The following SNED1 variants were observed in gnomAD, a reference collection of about 807,000 sequenced individuals.
SNED1 encodes sushi, nidogen and EGF-like domain-containing protein 1.
SNED1 carries 81 observed loss-of-function variants against 166.7 expected under a neutral mutation model. The observed-to-expected ratio is 0.49, with a 90% CI of 0.41 to 0.58. The LOEUF (loss-of-function observed/expected upper bound fraction) is 0.58. Ranked by LOEUF, SNED1 falls within the 20% of genes least tolerant of loss-of-function variation. The probability of loss-of-function intolerance (pLI) is 0.00; values close to 1 mark genes in which losing one functional copy is unlikely to be tolerated. For missense variants in SNED1, 1,604 were observed against 2,000.2 expected (o/e 0.80, Z 3.78); for synonymous variants, 762 against 822.0 (o/e 0.93, Z 1.25).
Position 241,067,787 on chromosome 2 carries a change from G to A in SNED1, c.3034G>A (p.Glu1012Lys), listed in dbSNP as rs376137908. ...RTRPRPVEGF[E>K]VTNVTASTIS... ...AGGACCCCGCCCTGTGGAAGGCTTC[G>A]AGGTCACCAATGTGACGGCTAGCAC... is the stretch of plus-strand genomic sequence containing the variant. The change falls in exon 22 of 32, where the codon GAG becomes AAG. Residue 1012 changes from glutamate to lysine, a missense_variant. Around this residue, in one of 2 missense-constraint regions of SNED1, gnomAD observed 1,237 missense variants for 1,620.8 expected, o/e 0.76. Coordinates refer to ENST00000310397, the MANE Select transcript of SNED1 (RefSeq NM_001080437.3). The A allele has an allele frequency of 5.6e-6, 9 of 1,610,798 alleles. No individual in the cohort carries two copies. The highest frequency in any genetic ancestry group is 2.2e-5 in the East Asian group (1 of 44,736).
Position 241,018,058 on chromosome 2 carries a change from G to A in SNED1, c.214-12226G>A, listed in dbSNP as rs2060652908. ...TGGTGGGTACCTTGATCCCTTTCCC[G>A]ACTGGAGAGGCATTCCAAGGCTCAC... On this transcript the variant is annotated intron_variant, in intron 1 of 31. Transcript: ENST00000310397. The surrounding 1 kb of genome is among the most constrained non-coding windows in gnomAD (Gnocchi z 5.4). 1.3e-5 allele frequency among the ~76,000 whole-genome samples: 2 copies of A among 152,112 alleles called. No individual in the cohort carries two copies. Among genetic ancestry groups the A allele is most frequent in the Non-Finnish European group, 1.5e-5 (1 of 68,026 alleles).
At chr2:241,031,100 TCCCTA>T (rs1187046759) in intron 2 of SNED1, among the ~76,000 whole-genome samples, 1 of 152,132 alleles carries the variant, frequency 6.6e-6, no homozygotes, top group Non-Finnish European at 1.5e-5. Flanking sequence ...AGACAGTGAC[TCCCTA>T]GAAAAGAGGC....
At chr2:241,055,164 G>A (rs1575005384) in intron 16 of SNED1, among the ~76,000 whole-genome samples, 1 of 152,022 alleles carries the variant, frequency 6.6e-6, no homozygotes, top group East Asian at 1.9e-4. Flanking sequence ...TAGAAGGTGT[G>A]CTAAAGCTGA....
chr2:241,057,439 A>ATCCCAGCAATT (rs201222519), intron 16 of SNED1, among the ~76,000 whole-genome samples: 1 of 142,760 alleles, frequency 7.0e-6, no homozygotes, highest in Admixed American at 7.1e-5. Context: ...CACACATATA[A>ATCCCAGCAATT]TGGGAGGTCA....
chr2:241,094,698 C>G lies in SNED1; in HGVS notation c.*3062C>G, dbSNP rs971055107. ...CTGACATTCTGGGCCGGATCATCCT[C>G]TCTTGTGGGACCATCCTGTGCACTG... On this transcript the variant is annotated 3_prime_UTR_variant, in exon 32 of 32. Transcript: ENST00000310397. This position sits in a 1 kb window ranked among gnomAD's most constrained non-coding sequence, Gnocchi z 4.3. 3.6e-5 allele frequency: 11 copies of G among 304,676 alleles called. No homozygotes were observed. The highest frequency in any genetic ancestry group is 6.4e-5 in the Non-Finnish European group (10 of 155,900). The allele number at this position is 304,676 out of a possible 1,614,324, so 18.9% of individuals were successfully genotyped here. A position where few individuals can be genotyped will look rare whatever the true frequency, so the allele number is the denominator to read the frequency against.
intron 1 of SNED1, among the ~76,000 whole-genome samples, chr2:241,002,602 A>C (rs1559206446): frequency 6.6e-6 from 1 of 152,034 alleles, no homozygotes; most frequent in Non-Finnish European, 1.5e-5. Context: ...AGAGAGCCTG[A>C]TGACTCCAGG....
intron 6 of SNED1, among the ~76,000 whole-genome samples, chr2:241,039,429 G>A (rs552233449): frequency 2.0e-5 from 3 of 152,290 alleles, no homozygotes; most frequent in African/African-American, 7.2e-5. Context: ...GTAAGACAGG[G>A]GATGTGGTTC....
chr2:241,059,524 C>A (rs1461810849), intron 16 of SNED1, among the ~76,000 whole-genome samples: 1 of 152,138 alleles, frequency 6.6e-6, no homozygotes, highest in East Asian at 1.9e-4. Context: ...AACATAGACA[C>A]AACAATCCAA....
intron 21 of SNED1, among the ~76,000 whole-genome samples, chr2:241,066,160 C>A (rs1575037853): frequency 6.6e-6 from 1 of 152,166 alleles, no homozygotes; most frequent in South Asian, 2.1e-4. Context: ...CCAGATGTGA[C>A]CCCTGAAGAG....
chr2:241,065,653 T>G, intron 21 of SNED1, 58 bp downstream of exon 21: 3 of 1,472,838 alleles, frequency 2.0e-6, no homozygotes, highest in Non-Finnish European at 2.8e-6. Flanking sequence ...AGGGCAGCGC[T>G]GGCCCCGGCA....
rs889918971 is a variant in SNED1, at chr2:241,076,958, G to A, written c.3916+3594G>A. Among the ~76,000 whole-genome samples, 120 of 152,078 alleles carry A rather than the reference G, an allele frequency of 7.9e-4. 1 individual carries two copies. The highest frequency in any genetic ancestry group is 2.2e-3 in the Admixed American group (33 of 15,244). The stretch of plus-strand genomic sequence containing the variant: ...GCTGGGCATGGTGGCGGGCGCCTGT[G>A]GTCCCAGCTACTCCGGAGGCTGAGG... On this transcript the variant is annotated intron_variant, in intron 27 of 31. Transcript: ENST00000310397.
At chr2:241,067,673 C>A in intron 21 of SNED1, 91 bp from the exon 22 acceptor site, 2 of 1,102,380 alleles carry the variant, frequency 1.8e-6, no homozygotes, top group Non-Finnish European at 2.6e-6. Flanking sequence ...TGGCCCCCAG[C>A]ACCCTCCCAA....
At chr2:241,034,437 C>T (rs562940615) in intron 3 of SNED1, 131 bp from the exon 4 acceptor site, 102 of 824,956 alleles carry the variant, frequency 1.2e-4, no homozygotes, top group Admixed American at 2.7e-4. Flanking sequence ...CTCCCAGGAA[C>T]GGTTGGCTGA....
Position 241,067,784 on chromosome 2 carries a change from T to C in SNED1, c.3031T>C (p.Phe1011Leu), listed in dbSNP as rs1298187551. ...ARTRPRPVEG[F>L]EVTNVTASTI... ...CCTAGGACCCCGCCCTGTGGAAGGC[T>C]TCGAGGTCACCAATGTGACGGCTAG... Residue 1011 changes from phenylalanine (F) to leucine (L), a missense_variant, in exon 22 of 32, where the codon TTC (phenylalanine) becomes CTC (leucine). This residue lies in a region of SNED1 where 1,237 missense variants were observed against 1,620.8 expected (regional missense o/e 0.76). Coordinates refer to ENST00000310397, the MANE Select transcript of SNED1 (RefSeq NM_001080437.3). The C allele has an allele frequency of 6.2e-7, 1 of 1,610,668 alleles. No homozygotes were observed. The highest frequency in any genetic ancestry group is 8.5e-7 in the Non-Finnish European group (1 of 1,177,422).
At chr2:241,037,107 G>A (rs1313570637) in intron 5 of SNED1, 133 bp from the exon 6 acceptor site, 44 of 991,618 alleles carry the variant, frequency 4.4e-5, no homozygotes, top group Non-Finnish European at 5.8e-5. Flanking sequence ...CACCATGGGC[G>A]GGTGCAGTTG....
intron 24 of SNED1, 58 bp downstream of exon 24, chr2:241,070,259 G>C: frequency 6.6e-7 from 1 of 1,517,498 alleles, no homozygotes. Flanking sequence ...CCTCCACCCT[G>C]TTCAGGACTG....
Position 241,048,960 on chromosome 2 carries a change from G to A in SNED1, c.1505-62G>A. 3 of 1,450,382 alleles carry A rather than the reference G, an allele frequency of 2.1e-6. No individual in the cohort carries two copies. In the South Asian group the frequency reaches 3.7e-5, roughly 18 times the overall value. The allele number at this position is 1,450,382 out of a possible 1,614,324, so 89.8% of individuals were successfully genotyped here. A position where few individuals can be genotyped will look rare whatever the true frequency, so the allele number is the denominator to read the frequency against. On this transcript the variant is annotated intron_variant, in intron 10 of 31. Transcript: ENST00000310397. ...TCTTGGGAGGCCCCATCCTTGACAA[G>A]GACTCGAGGTCTGCTGGAAGACATG...
At chr2:241,036,043 G>A (rs1375619680) in intron 4 of SNED1, among the ~76,000 whole-genome samples, 2 of 19,540 alleles carry the variant, frequency 1.0e-4, no homozygotes, top group Non-Finnish European at 1.6e-4. Flanking sequence ...GGGTGGGTGG[G>A]GGGTGGAGGT....
intron 1 of SNED1, among the ~76,000 whole-genome samples, chr2:241,002,763 C>G (rs1292554709): frequency 6.6e-6 from 1 of 152,092 alleles, no homozygotes; most frequent in East Asian, 1.9e-4. Context: ...CGTCCAGCTG[C>G]CTCTTACTGT....
Sources: gnomAD v4.1 joint callset for allele counts (sites outside exome capture counted in the v4.1 genomes callset) on GRCh38, gnomAD v4.1.1 for gene constraint, gnomAD v4.1.1 regional missense constraint, Gnocchi (gnomAD v3.1) non-coding constraint, MANE v1.5 for transcripts, NCBI Gene and HGNC (gene_info 2026-07-23, HGNC 2026-07-21) for gene names.